Variants in NUP210 observed in about 807,000 individuals in gnomAD.
NUP210 encodes nucleoporin 210, also known as nuclear pore membrane glycoprotein 210.
A neutral mutation model predicts 196.0 loss-of-function variants in NUP210; 151 were observed. The ratio of observed to expected loss-of-function variants is 0.77; its 90% confidence interval spans 0.67 to 0.88. The LOEUF is 0.88. Ranked by LOEUF, NUP210 falls within the 40% of genes least tolerant of loss-of-function variation. NUP210 has a pLI of 0.00. For missense variants in NUP210, 2,314 were observed against 2,493.7 expected, an observed-to-expected ratio of 0.93 and a Z score of 1.53; for synonymous variants, 1,070 against 1,052.7, an observed-to-expected ratio of 1.02 and a Z score of -0.32.
intron 1 of NUP210, among the ~76,000 whole-genome samples, chr3:13,401,259 C>CAAAAAAAAACAAAAAA (rs1699828797): frequency 2.3e-5 from 1 of 43,846 alleles, no homozygotes; most frequent in Non-Finnish European, 4.0e-5. Flanking sequence ...GACTCTGGCT[C>CAAAAAAAAACAAAAAA]AAAAAAAAAA....
intron 16 of NUP210, among the ~76,000 whole-genome samples, chr3:13,354,882 C>A (rs531052726): frequency 6.6e-6 from 1 of 152,222 alleles, no homozygotes; most frequent in Non-Finnish European, 1.5e-5. Context: ...GGTGATCTCT[C>A]GCTCCCCGAG....
In NUP210 at chr3:13,388,377, C is replaced by G. The variant is rs1476821934; in HGVS notation, c.610G>C (p.Asp204His). 1.2e-6 allele frequency: 2 copies of G among 1,612,470 alleles called. No homozygotes were observed. The highest frequency in any genetic ancestry group is 1.7e-6 in the Non-Finnish European group (2 of 1,179,324). ...TTCATCCCAGACACCAGGATGGTGT[C>G]CCCTTGCTTGGCAGCCTTCTCCATC... ...SEMEKAAKQG[D>H]TILVSGMKTG... The change falls in exon 5 of 40, where the codon GAC becomes CAC. Residue 204 changes from aspartate (D) to histidine (H), a missense_variant. Transcript: ENST00000254508.
rs763858829 is a variant in NUP210, at chr3:13,353,642, A to G, written c.2540T>C (p.Val847Ala). 3.8e-5 allele frequency: 61 copies of G among 1,614,088 alleles called. No homozygotes were observed. The highest frequency in any genetic ancestry group is 5.2e-5 in the Non-Finnish European group (61 of 1,179,972). The change falls in exon 18 of 40, where the codon GTT becomes GCT. Residue 847 changes from valine (V) to alanine (A), a missense_variant. Physicochemically the swap from Val to Ala is moderately conservative, Grantham distance 64 (BLOSUM62 0). Coordinates refer to ENST00000254508, the MANE Select transcript of NUP210 (RefSeq NM_024923.4). The part of the protein sequence containing the change: ...KKLHGLQAIL[V>A]HEASGTTAIT... ...GGCTGTGGTTCCTGATGCCTCGTGAACCAAAATGGCCTGCAAACCTGAGAC... is the reference window on the plus strand; with the variant it reads ...GGCTGTGGTTCCTGATGCCTCGTGAGCCAAAATGGCCTGCAAACCTGAGAC...
chr3:13,348,944 C>G lies in NUP210; in HGVS notation c.2835+2935G>C. On this transcript the variant is annotated intron_variant, in intron 20 of 39. Coordinates refer to ENST00000254508, the MANE Select transcript of NUP210 (RefSeq NM_024923.4). This position sits in a 1 kb window ranked among gnomAD's most constrained non-coding sequence, Gnocchi z 4.0. ...GGGTGTTTCACACAAAAATAGAGAT[C>G]TCTATTTTCTCTTGAAAATCAGAAG... The G allele has an allele frequency of 3.2e-6, 3 of 934,560 alleles. No individual in the cohort carries two copies. The highest frequency in any genetic ancestry group is 3.7e-6 in the Non-Finnish European group (3 of 804,768). 57.9% of individuals were successfully genotyped at this position (934,560 alleles called of 1,614,324 possible).
At chr3:13,364,234 T>C (rs1234838186) in intron 14 of NUP210, among the ~76,000 whole-genome samples, 1 of 152,238 alleles carries the variant, frequency 6.6e-6, no homozygotes, top group East Asian at 1.9e-4. Flanking sequence ...TTCTGTGTTC[T>C]CTGCCCTGGT....
intron 23 of NUP210, among the ~76,000 whole-genome samples, 193 bp downstream of exon 23, chr3:13,341,555 G>T (rs1452186854): frequency 1.3e-5 from 2 of 152,192 alleles, no homozygotes; most frequent in East Asian, 1.9e-4. Context: ...CCCTCCCTCT[G>T]GTTCTGCCAG....
chr3:13,388,888 G>A (rs1370900404), intron 4 of NUP210, among the ~76,000 whole-genome samples: 7 of 152,304 alleles, frequency 4.6e-5, no homozygotes, highest in South Asian at 2.1e-4. Flanking sequence ...CAACCTCCCC[G>A]GCCTAGCGCC....
At chr3:13,361,638 C>A (rs575741892) in intron 14 of NUP210, among the ~76,000 whole-genome samples, 1 of 152,294 alleles carries the variant, frequency 6.6e-6, no homozygotes. Flanking sequence ...ACTGCAGTGA[C>A]TGCCAAGTCC....
Position 13,375,651 on chromosome 3 carries a change from G to GT in NUP210, c.1294-11dup. On this transcript the variant is annotated splice_polypyrimidine_tract_variant and intron_variant, in intron 10 of 39. Coordinates refer to ENST00000254508, the MANE Select transcript of NUP210 (RefSeq NM_024923.4). ...TGTGGACCCCTCCATCCTACAAGGG[G>GT]TGAGGGTGCCACACGTAACCATGAC... The GT allele has an allele frequency of 6.2e-7, 1 of 1,611,668 alleles. No homozygotes were observed. The highest frequency in any genetic ancestry group is 8.5e-7 in the Non-Finnish European group (1 of 1,178,860).
chr3:13,353,591 T>C lies in NUP210; in HGVS notation c.2591A>G (p.Gln864Arg). 1 of 1,614,132 alleles carries C rather than the reference T, an allele frequency of 6.2e-7. No individual in the cohort carries two copies. The highest frequency in any genetic ancestry group is 1.1e-5 in the South Asian group (1 of 91,082). Residue 864 changes from glutamine (Q) to arginine (R), a missense_variant, in exon 18 of 40, where the codon CAG becomes CGG. By Grantham distance (43) the Gln-to-Arg change is conservative (BLOSUM62 1). Coordinates refer to ENST00000254508, the MANE Select transcript of NUP210 (RefSeq NM_024923.4). ...TCTGGCAGAGCTGAGGTGGGACTCC[T>C]GGTAGCCAGTGGCAGTGGCAGTGAT... Reference protein sequence around the residue: ...TAITATATGYQESHLSSARTK... With the variant: ...TAITATATGYRESHLSSARTK...
chr3:13,419,402 G>A (rs1700457069), intron 1 of NUP210, among the ~76,000 whole-genome samples: 2 of 152,202 alleles, frequency 1.3e-5, no homozygotes, highest in African/African-American at 4.8e-5. Flanking sequence ...GTCACACTCC[G>A]CATCCGACCC....
Position 13,317,444 on chromosome 3 carries a change from G to A in NUP210, c.*237C>T, listed in dbSNP as rs1007332462. On this transcript the variant is annotated 3_prime_UTR_variant, in exon 40 of 40. Transcript: ENST00000254508. ...CATGCAAAAAGGAATGAGCCAAAAA[G>A]TCTTAGCTTTGTAAGACTTGAAAGG... 7.4e-6 allele frequency: 4 copies of A among 542,742 alleles called. No individual in the cohort carries two copies. The highest frequency in any genetic ancestry group is 6.7e-5 in the Admixed American group (2 of 29,716). The allele number at this position is 542,742 out of a possible 1,614,324, so 33.6% of individuals were successfully genotyped here. A position where few individuals can be genotyped will look rare whatever the true frequency, so the allele number is the denominator to read the frequency against.
At position 13,408,500 on chromosome 3, in the gene NUP210, G is replaced by A. The variant is rs1358238085; in HGVS notation, c.168-8639C>T. On this transcript the variant is annotated intron_variant, in intron 1 of 39. Transcript: ENST00000254508. ...GGGCTTACAGTTTTCTTTATGAAAAGGTTTTTAGGCCAGGTGCCATGGCTC... is the reference window on the plus strand; with the variant it reads ...GGGCTTACAGTTTTCTTTATGAAAAAGTTTTTAGGCCAGGTGCCATGGCTC... Among the ~76,000 whole-genome samples, 4 of 152,258 alleles carry A rather than the reference G, an allele frequency of 2.6e-5. No individual in the cohort carries two copies. The South Asian group carries it at 8.3e-4, about 32-fold the overall frequency.
At chr3:13,362,194 T>G (rs889227731) in intron 14 of NUP210, among the ~76,000 whole-genome samples, 6 of 151,872 alleles carry the variant, frequency 4.0e-5, no homozygotes, top group African/African-American at 1.4e-4. Flanking sequence ...ATAAGAAAAA[T>G]ATTCCCTCCC....
At chr3:13,388,012 T>G (rs2124931738) in intron 5 of NUP210, among the ~76,000 whole-genome samples, 1 of 152,154 alleles carries the variant, frequency 6.6e-6, no homozygotes, top group South Asian at 2.1e-4. Context: ...TGGAAACAGG[T>G]GAGTTACTGG....
rs780597795 is a variant in NUP210, at chr3:13,365,987, G to C, written c.1891C>G (p.Leu631Val). The C allele has an allele frequency of 1.7e-5, 27 of 1,614,128 alleles. No homozygotes were observed. The highest frequency in any genetic ancestry group is 2.5e-6 in the Non-Finnish European group (3 of 1,180,040). Residue 631 changes from leucine to valine, a missense_variant, in exon 14 of 40, where the codon CTG (leucine) becomes GTG (valine). Leu to Val is a conservative substitution (Grantham distance 32). Coordinates refer to ENST00000254508, the MANE Select transcript of NUP210 (RefSeq NM_024923.4). ...GCAGCAATGGTGATCTTGGCACTCAGGTGGACGTGGCCGTGTCTGTAGCTC... is the reference window on the plus strand; with the variant it reads ...GCAGCAATGGTGATCTTGGCACTCACGTGGACGTGGCCGTGTCTGTAGCTC... The part of the protein sequence containing the change: ...LVSYRHGHVH[L>V]SAKITIAAYL...
At chr3:13,376,906 C>A (rs780070818) in intron 9 of NUP210, among the ~76,000 whole-genome samples, 34 of 152,060 alleles carry the variant, frequency 2.2e-4, no homozygotes, top group Non-Finnish European at 4.6e-4. Flanking sequence ...CCTGGGGGTG[C>A]TCACTGACGA....
intron 1 of NUP210, among the ~76,000 whole-genome samples, chr3:13,401,158 C>T (rs1159178132): frequency 7.9e-6 from 1 of 127,234 alleles, no homozygotes; most frequent in Non-Finnish European, 1.6e-5. Context: ...ACTCGGTAGG[C>T]TGAGGCAGGA....
At chr3:13,394,040 G>A (rs1576414571) in intron 3 of NUP210, among the ~76,000 whole-genome samples, 2 of 152,224 alleles carry the variant, frequency 1.3e-5, no homozygotes, top group African/African-American at 4.8e-5. Context: ...ACAAGCCACA[G>A]TAGAAAATGT....
Sources: gnomAD v4.1 joint callset for allele counts (sites outside exome capture counted in the v4.1 genomes callset) on GRCh38, gnomAD v4.1.1 for gene constraint, Gnocchi (gnomAD v3.1) non-coding constraint, MANE v1.5 for transcripts, NCBI Gene and HGNC (gene_info 2026-07-23, HGNC 2026-07-21) for gene names.